The following GPR158 variants were observed in gnomAD, a reference collection of about 807,000 sequenced individuals.
The protein encoded by GPR158 is metabotropic glycine receptor.
GPR158 carries 30 observed loss-of-function variants against 78.2 expected under a neutral mutation model. The observed-to-expected ratio is 0.38, with a 90% CI of 0.29 to 0.52. The LOEUF (loss-of-function observed/expected upper bound fraction) is 0.52, where lower values mean the gene tolerates loss of function less well. Ranked by LOEUF, GPR158 falls within the 20% of genes least tolerant of loss-of-function variation. The pLI, the probability that GPR158 is intolerant of heterozygous loss-of-function variation, is 0.83. For synonymous variants in GPR158, 581 were observed against 591.1 expected, an observed-to-expected ratio of 0.98 and a Z score of 0.25; for missense variants, 1,463 against 1,523.5, an observed-to-expected ratio of 0.96 and a Z score of 0.66.
chr10:25,214,600 G>T (rs554016454), intron 1 of GPR158, among the ~76,000 whole-genome samples: 3 of 152,090 alleles, frequency 2.0e-5, no homozygotes, highest in Admixed American at 6.5e-5. Flanking sequence ...GGTATGAATT[G>T]TGTTCTCCAA....
At chr10:25,437,288 C>T (rs1462945000) in intron 4 of GPR158, among the ~76,000 whole-genome samples, 3 of 151,822 alleles carry the variant, frequency 2.0e-5, no homozygotes, top group Non-Finnish European at 4.4e-5. Flanking sequence ...TACAGTGGTA[C>T]AGTCTCAGCT....
intron 2 of GPR158, among the ~76,000 whole-genome samples, chr10:25,387,633 A>G (rs555204833): frequency 7.2e-4 from 109 of 151,292 alleles, no homozygotes; most frequent in African/African-American, 2.5e-3. Context: ...CTTGTGCCTC[A>G]GCCTCCTGAG....
At chr10:25,512,565 G>A (rs1192190147) in intron 5 of GPR158, among the ~76,000 whole-genome samples, 2 of 152,054 alleles carry the variant, frequency 1.3e-5, no homozygotes, top group Non-Finnish European at 2.9e-5. Flanking sequence ...CCAGTACTAT[G>A]TTGAATTGAA....
chr10:25,555,071 G>T (rs886860736), intron 6 of GPR158, among the ~76,000 whole-genome samples: 1 of 151,856 alleles, frequency 6.6e-6, no homozygotes, highest in African/African-American at 2.4e-5. Flanking sequence ...GAGGGAGGGA[G>T]GAAGGAAGGA....
intron 5 of GPR158, among the ~76,000 whole-genome samples, chr10:25,549,340 A>T (rs1836701042): frequency 6.6e-6 from 1 of 152,052 alleles, no homozygotes; most frequent in African/African-American, 2.4e-5. Flanking sequence ...GCTTTGCAGA[A>T]CTCTTTATTC....
intron 2 of GPR158, among the ~76,000 whole-genome samples, chr10:25,255,743 C>T (rs1025850420): frequency 6.6e-6 from 1 of 152,192 alleles, no homozygotes; most frequent in African/African-American, 2.4e-5. Flanking sequence ...ATATCTTTCT[C>T]TTTTGAATAA....
chr10:25,426,150 C>T (rs1296590395), intron 4 of GPR158, among the ~76,000 whole-genome samples: 2 of 152,082 alleles, frequency 1.3e-5, no homozygotes, highest in Admixed American at 6.6e-5. Flanking sequence ...AAAATATGGA[C>T]CTCTCTCAGC....
At chr10:25,574,714 G>A (rs150917847) in intron 7 of GPR158, among the ~76,000 whole-genome samples, 137 of 152,080 alleles carry the variant, frequency 9.0e-4, no homozygotes, top group Admixed American at 2.4e-3. Context: ...GTGAAACACC[G>A]TCTCTACTAA....
chr10:25,183,909 A>G (rs1468114949), intron 1 of GPR158, among the ~76,000 whole-genome samples: 5 of 152,216 alleles, frequency 3.3e-5, no homozygotes, highest in African/African-American at 1.2e-4. Flanking sequence ...TCTAATATGC[A>G]CCATTTTTAC....
chr10:25,324,510 A>G (rs887053920), intron 2 of GPR158, among the ~76,000 whole-genome samples: 1 of 152,230 alleles, frequency 6.6e-6, no homozygotes, highest in Non-Finnish European at 1.5e-5. Context: ...CCAAACAATT[A>G]TAAAAACTTC....
At chr10:25,500,820 T>A (rs1199773549) in intron 5 of GPR158, among the ~76,000 whole-genome samples, 1 of 152,240 alleles carries the variant, frequency 6.6e-6, no homozygotes, top group Non-Finnish European at 1.5e-5. Context: ...TAAATTAAAC[T>A]GCTGCAAGGT....
intron 4 of GPR158, among the ~76,000 whole-genome samples, chr10:25,437,230 A>AT (rs966101251): frequency 1.8e-4 from 28 of 151,798 alleles, no homozygotes; most frequent in Admixed American, 1.2e-3. Flanking sequence ...TCCTATTGGG[A>AT]TTTTTTCTTT....
intron 1 of GPR158, among the ~76,000 whole-genome samples, chr10:25,191,869 GT>G (rs556207176): frequency 6.6e-6 from 1 of 152,068 alleles, no homozygotes; most frequent in South Asian, 2.1e-4. Context: ...TTTTTTTGGG[GT>G]TTTTTGTTTT....
At chr10:25,296,498 CTATT>C (rs370164095) in intron 2 of GPR158, among the ~76,000 whole-genome samples, 49 of 151,502 alleles carry the variant, frequency 3.2e-4, no homozygotes, top group Admixed American at 2.3e-3. Context: ...TCTAATCTAT[CTATT>C]GATTGATTGA....
chr10:25,224,394 G>A (rs952410066), intron 2 of GPR158, among the ~76,000 whole-genome samples: 1 of 151,390 alleles, frequency 6.6e-6, no homozygotes. Context: ...AATTTAGAGT[G>A]TATATACATC....
chr10:25,241,127 TTCTTTCTTTCTTTCTTTCTTTCTTTC>T (rs1336101002), intron 2 of GPR158, among the ~76,000 whole-genome samples: 2 of 22,422 alleles, frequency 8.9e-5, no homozygotes, highest in Non-Finnish European at 2.7e-4. Flanking sequence ...TACTTTGATT[TTCTTTCTTTCTTTCTTTCTTTCTTTC>T]TTTCTTTCTT....
chr10:25,350,214 C>A (rs987690444), intron 2 of GPR158, among the ~76,000 whole-genome samples: 1 of 151,768 alleles, frequency 6.6e-6, no homozygotes, highest in Non-Finnish European at 1.5e-5. Context: ...GGAGGGGCAA[C>A]CCCATTCATT....
At chr10:25,328,883 C>A (rs1016569398) in intron 2 of GPR158, among the ~76,000 whole-genome samples, 1 of 138,382 alleles carries the variant, frequency 7.2e-6, no homozygotes, top group African/African-American at 2.9e-5. Flanking sequence ...GATGAGATTG[C>A]GCCATTGTGC....
At chr10:25,330,803 TAG>T (rs1008231327) in intron 2 of GPR158, among the ~76,000 whole-genome samples, 3 of 152,140 alleles carry the variant, frequency 2.0e-5, no homozygotes, top group African/African-American at 7.2e-5. Flanking sequence ...GAGAATCCAG[TAG>T]AGAGGAATGG....
Sources: gnomAD v4.1 joint callset for allele counts (sites outside exome capture counted in the v4.1 genomes callset) on GRCh38, gnomAD v4.1.1 for gene constraint, MANE v1.5 for transcripts, NCBI Gene and HGNC (gene_info 2026-07-23, HGNC 2026-07-21) for gene names.